Variants in SGCZ observed in about 807,000 individuals in gnomAD.
SGCZ encodes the protein sarcoglycan zeta, also known as zeta-sarcoglycan.
Under a neutral mutation model 41.3 loss-of-function variants are expected in SGCZ, and 40 were observed. The observed-to-expected ratio is 0.97, with a 90% CI of 0.75 to 1.26. The LOEUF is 1.26. Ranked by LOEUF, SGCZ falls within the 50% of genes most tolerant of loss-of-function variation. The probability of loss-of-function intolerance (pLI) is 0.00; values close to 1 mark genes in which losing one functional copy is unlikely to be tolerated. For synonymous variants in SGCZ, 206 were observed against 137.5 expected (o/e 1.50, Z -3.49); for missense variants, 552 against 369.8 (o/e 1.49, Z -4.04).
chr8:14,502,346 G>A (rs1585601860), intron 2 of SGCZ, among the ~76,000 whole-genome samples: 1 of 152,114 alleles, frequency 6.6e-6, no homozygotes, highest in Non-Finnish European at 1.5e-5. Context: ...TCTCAATCAG[G>A]CAATAAGTAA....
At chr8:15,097,346 G>A (rs930225482) in intron 1 of SGCZ, among the ~76,000 whole-genome samples, 1 of 152,176 alleles carries the variant, frequency 6.6e-6, no homozygotes, top group African/African-American at 2.4e-5. Flanking sequence ...ACCTGCAGTA[G>A]CTTGAGCATA....
chr8:14,182,477 G>T (rs1294587532), intron 4 of SGCZ, among the ~76,000 whole-genome samples: 2 of 152,148 alleles, frequency 1.3e-5, no homozygotes, highest in African/African-American at 4.8e-5. Flanking sequence ...ATCCAGGAGT[G>T]CCCTGTATGG....
intron 1 of SGCZ, among the ~76,000 whole-genome samples, chr8:15,121,725 G>C (rs1222080735): frequency 1.3e-5 from 2 of 152,110 alleles, no homozygotes; most frequent in Non-Finnish European, 2.9e-5. Flanking sequence ...AACCACAGGA[G>C]GCTGGCAGGA....
At chr8:14,996,251 T>C (rs1167541639) in intron 1 of SGCZ, among the ~76,000 whole-genome samples, 1 of 152,156 alleles carries the variant, frequency 6.6e-6, no homozygotes, top group Non-Finnish European at 1.5e-5. Flanking sequence ...TACTAATCTA[T>C]ATAAAAATGC....
At chr8:14,194,761 G>T (rs776753555) in intron 4 of SGCZ, among the ~76,000 whole-genome samples, 13 of 151,710 alleles carry the variant, frequency 8.6e-5, no homozygotes, top group Non-Finnish European at 1.8e-4. Flanking sequence ...AATTATATAA[G>T]CCATGTGATT....
At chr8:14,552,590 G>T (rs906119258) in intron 2 of SGCZ, among the ~76,000 whole-genome samples, 1 of 151,924 alleles carries the variant, frequency 6.6e-6, no homozygotes, top group Non-Finnish European at 1.5e-5. Context: ...TTATCCCCAG[G>T]ACCATGTTGC....
At chr8:15,022,356 A>G (rs571706101) in intron 1 of SGCZ, among the ~76,000 whole-genome samples, 2 of 151,890 alleles carry the variant, frequency 1.3e-5, no homozygotes, top group Non-Finnish European at 2.9e-5. Context: ...TTATTTATTT[A>G]TTTTTTGAGA....
intron 1 of SGCZ, among the ~76,000 whole-genome samples, chr8:15,118,757 G>A (rs1386439458): frequency 2.6e-5 from 4 of 152,096 alleles, no homozygotes; most frequent in African/African-American, 9.7e-5. Context: ...AGGCACCCTA[G>A]GAACTTAGGC....
chr8:14,570,759 T>C (rs985240872), intron 1 of SGCZ, among the ~76,000 whole-genome samples: 3 of 152,132 alleles, frequency 2.0e-5, no homozygotes, highest in Non-Finnish European at 2.9e-5. Context: ...TAAGAGACTA[T>C]TTCATATAAC....
At chr8:15,118,836 T>C (rs1009502608) in intron 1 of SGCZ, among the ~76,000 whole-genome samples, 2 of 152,170 alleles carry the variant, frequency 1.3e-5, no homozygotes, top group South Asian at 2.1e-4. Flanking sequence ...GTTATAAATA[T>C]ATGCCTTTAA....
At chr8:14,676,482 G>A (rs1051542827) in intron 1 of SGCZ, among the ~76,000 whole-genome samples, 2 of 152,058 alleles carry the variant, frequency 1.3e-5, no homozygotes, top group Admixed American at 6.6e-5. Flanking sequence ...TTGTGCTATG[G>A]CACTTCAGCC....
intron 4 of SGCZ, among the ~76,000 whole-genome samples, chr8:14,208,216 T>C (rs1196753504): frequency 6.6e-6 from 1 of 152,182 alleles, no homozygotes; most frequent in Non-Finnish European, 1.5e-5. Flanking sequence ...ATGCTAAAGT[T>C]CCATGCTGAC....
chr8:14,372,530 G>A (rs987354162), intron 2 of SGCZ, among the ~76,000 whole-genome samples: 1 of 152,058 alleles, frequency 6.6e-6, no homozygotes, highest in Non-Finnish European at 1.5e-5. Context: ...TGGTAAAAAG[G>A]GCCATGAATA....
At chr8:14,535,552 G>A (rs1461847) in intron 2 of SGCZ, among the ~76,000 whole-genome samples, 135,303 of 151,946 alleles carry the variant, frequency 0.89, 60,495 homozygotes, top group Middle Eastern at 0.94. Context: ...CAACTTAAAT[G>A]TGTAGGAAAC....
rs551151548 is a variant in SGCZ, at chr8:15,213,824, A to G, written c.39+23761T>C. 2.6e-5 allele frequency among the ~76,000 whole-genome samples: 4 copies of G among 152,046 alleles called. No individual in the cohort carries two copies. In the South Asian group the frequency reaches 8.3e-4, roughly 31 times the overall value. On this transcript the variant is annotated intron_variant, in intron 1 of 7. Coordinates refer to ENST00000382080, the MANE Select transcript of SGCZ (RefSeq NM_139167.4). ...ATAATTACTAGAATACTCCTTAATA[A>G]AAGGAGGAGAATATGTTCTAATTTT...
intron 2 of SGCZ, among the ~76,000 whole-genome samples, chr8:14,327,791 G>C (rs1434826875): frequency 6.6e-6 from 1 of 152,128 alleles, no homozygotes. Flanking sequence ...GTTTTTGCTT[G>C]TTTGTTTTGA....
chr8:14,989,578 G>A (rs1334130445), intron 1 of SGCZ, among the ~76,000 whole-genome samples: 4 of 152,032 alleles, frequency 2.6e-5, no homozygotes, highest in African/African-American at 7.2e-5. Context: ...AGCAGAAGAG[G>A]CCTCAGGGAT....
At chr8:14,645,421 T>C (rs1313239775) in intron 1 of SGCZ, among the ~76,000 whole-genome samples, 1 of 145,048 alleles carries the variant, frequency 6.9e-6, no homozygotes, top group African/African-American at 2.5e-5. Flanking sequence ...CCAATTAAAA[T>C]ATTTGCAGGT....
Position 15,094,938 on chromosome 8 carries a change from A to C in SGCZ, c.39+142647T>G, listed in dbSNP as rs533853859. ...ATTTAACCTCTTTTCTTTATAAATT[A>C]CCCAGTCTCGGGTATTTGTTCATAG... is the stretch of plus-strand genomic sequence containing the variant. On this transcript the variant is annotated intron_variant, in intron 1 of 7. Transcript: ENST00000382080. 3.8e-4 allele frequency among the ~76,000 whole-genome samples: 58 copies of C among 152,200 alleles called. No individual in the cohort carries two copies. In the South Asian group the frequency reaches 0.012, roughly 32 times the overall value.
Sources: allele counts gnomAD v4.1 joint callset (sites outside exome capture counted in the v4.1 genomes callset), GRCh38; gene constraint gnomAD v4.1.1; transcripts MANE v1.5; gene names NCBI Gene and HGNC (gene_info 2026-07-23, HGNC 2026-07-21).